The following ZNF536 variants were observed in gnomAD, a reference collection of about 807,000 sequenced individuals.
The protein encoded by ZNF536 is zinc finger protein 536.
A neutral mutation model predicts 84.5 loss-of-function variants in ZNF536; 13 were observed. That is an observed-to-expected ratio of 0.15 (90% CI 0.10 to 0.24). The LOEUF (loss-of-function observed/expected upper bound fraction) is 0.24. Among genes scored for constraint, ZNF536 ranks in the 10% least tolerant of loss-of-function variants. The pLI is 1.00. For synonymous variants in ZNF536, 811 were observed against 742.5 expected (o/e 1.09, Z -1.50); for missense variants, 1,536 against 1,747.5 (o/e 0.88, Z 2.16).
At chr19:30,449,204 A>G (rs1050098263) in intron 2 of ZNF536, among the ~76,000 whole-genome samples, 1 of 152,178 alleles carries the variant, frequency 6.6e-6, no homozygotes, top group African/African-American at 2.4e-5. Context: ...ACTTACCAGT[A>G]ATTTCACACC....
intron 1 of ZNF536, among the ~76,000 whole-genome samples, chr19:30,410,463 G>GTTTTTTTTTT (rs1165876265): frequency 2.1e-5 from 2 of 94,682 alleles, no homozygotes; most frequent in African/African-American, 1.2e-4. Context: ...AAAAGTGAAG[G>GTTTTTTTTTT]TCTTTTTTTT....
At chr19:30,598,733 C>T (rs1289267171) in intron 1 of ZNF536, among the ~76,000 whole-genome samples, 2 of 152,122 alleles carry the variant, frequency 1.3e-5, no homozygotes, top group Non-Finnish European at 2.9e-5. Context: ...CCAACAGGCT[C>T]TAATCTGAAG....
intron 1 of ZNF536, among the ~76,000 whole-genome samples, chr19:30,234,744 TACACAC>T (rs111232052): frequency 0.025 from 3,655 of 147,720 alleles, 63 homozygotes; most frequent in Non-Finnish European, 0.034. Flanking sequence ...ATTACTAAAT[TACACAC>T]ACACACACAC....
At chr19:30,676,012 T>A (rs1600230806) in intron 1 of ZNF536, among the ~76,000 whole-genome samples, 1 of 151,854 alleles carries the variant, frequency 6.6e-6, no homozygotes, top group East Asian at 1.9e-4. Context: ...CATGAGCCAC[T>A]ACATCAGGCT....
intron 2 of ZNF536, among the ~76,000 whole-genome samples, chr19:30,483,022 C>T (rs985926085): frequency 4.6e-5 from 7 of 152,162 alleles, no homozygotes; most frequent in African/African-American, 1.7e-4. Flanking sequence ...CTTTGGGGTC[C>T]AGAAGTCCTG....
intron 1 of ZNF536, among the ~76,000 whole-genome samples, chr19:30,584,612 G>T (rs1162012723): frequency 6.6e-6 from 1 of 152,208 alleles, no homozygotes; most frequent in Non-Finnish European, 1.5e-5. Context: ...TCCATGTCCA[G>T]CCTTCGGGAT....
rs1292424047 is a variant in ZNF536, at chr19:30,557,684, T to C, written c.*520T>C. 6.6e-6 allele frequency: 1 copy of C among 152,360 alleles called. No homozygotes were observed. Among genetic ancestry groups the C allele is most frequent in the Non-Finnish European group, 1.5e-5 (1 of 68,116 alleles). 9.4% of individuals were successfully genotyped at this position (152,360 alleles called of 1,614,324 possible). A position where few individuals can be genotyped will look rare whatever the true frequency, so the allele number is the denominator to read the frequency against. On this transcript the variant is annotated 3_prime_UTR_variant, in exon 5 of 5. Transcript: ENST00000355537. ...CATAGTATTTAAGCAGAAATATTGC[T>C]AGTTTAATATTGTGTCAGGTCGTCC...
intron 1 of ZNF536, among the ~76,000 whole-genome samples, chr19:30,696,509 A>T (rs1454788153): frequency 6.6e-6 from 1 of 152,238 alleles, no homozygotes; most frequent in Non-Finnish European, 1.5e-5. Context: ...AAATCCGGGC[A>T]ATGATTTAAG....
chr19:30,627,582 G>A (rs1386733339), intron 1 of ZNF536, among the ~76,000 whole-genome samples: 2 of 150,858 alleles, frequency 1.3e-5, no homozygotes, highest in Admixed American at 1.3e-4. Context: ...CCTTGGATAG[G>A]TTGCTTCACC....
At chr19:30,593,142 C>G (rs2047331647) in intron 1 of ZNF536, among the ~76,000 whole-genome samples, 2 of 152,306 alleles carry the variant, frequency 1.3e-5, no homozygotes, top group South Asian at 2.1e-4. Flanking sequence ...ATACCCACAA[C>G]TGGAGGCCTA....
chr19:30,666,446 C>A (rs1219787404), intron 1 of ZNF536, among the ~76,000 whole-genome samples: 1 of 152,130 alleles, frequency 6.6e-6, no homozygotes, highest in African/African-American at 2.4e-5. Flanking sequence ...TCCTCCCATC[C>A]TCTGCTGGGG....
intron 1 of ZNF536, among the ~76,000 whole-genome samples, chr19:30,241,796 G>A (rs1442843411): frequency 3.9e-5 from 6 of 152,282 alleles, no homozygotes; most frequent in South Asian, 4.2e-4. Flanking sequence ...AAGTATATGC[G>A]CCATTTCAAC....
intron 2 of ZNF536, among the ~76,000 whole-genome samples, chr19:30,289,380 A>G (rs1057206190): frequency 1.3e-5 from 2 of 152,224 alleles, no homozygotes; most frequent in African/African-American, 4.8e-5. Flanking sequence ...ACAACATATA[A>G]TTAAACTCAC....
intron 1 of ZNF536, among the ~76,000 whole-genome samples, chr19:30,599,033 C>CTT: frequency 8.7e-6 from 1 of 114,346 alleles, no homozygotes; most frequent in African/African-American, 3.8e-5. Flanking sequence ...CTCCCTCCCT[C>CTT]CCTTCCTTCC....
chr19:30,542,188 C>T (rs2045358700), intron 3 of ZNF536, among the ~76,000 whole-genome samples: 1 of 152,146 alleles, frequency 6.6e-6, no homozygotes, highest in Admixed American at 6.5e-5. Context: ...ATGAATCCAC[C>T]TGTTATTTTT....
chr19:30,667,361 C>G (rs975146455), intron 1 of ZNF536, among the ~76,000 whole-genome samples: 5 of 152,160 alleles, frequency 3.3e-5, no homozygotes, highest in African/African-American at 1.2e-4. Context: ...GGGTTAGTGC[C>G]TGGTTGGCCC....
chr19:30,552,933 G>A (rs777031139), intron 4 of ZNF536, among the ~76,000 whole-genome samples: 60 of 152,174 alleles, frequency 3.9e-4, no homozygotes, highest in Admixed American at 3.3e-3. Context: ...CAGAGGACAG[G>A]CATCTTTGCT....
intron 1 of ZNF536, among the ~76,000 whole-genome samples, chr19:30,695,245 A>C (rs905964189): frequency 4.2e-4 from 64 of 152,182 alleles, no homozygotes; most frequent in African/African-American, 1.4e-3. Flanking sequence ...GAAGGAAGCC[A>C]AGTGCCAGGC....
chr19:30,479,122 C>G (rs1292868373), intron 2 of ZNF536, among the ~76,000 whole-genome samples: 1 of 152,200 alleles, frequency 6.6e-6, no homozygotes, highest in Non-Finnish European at 1.5e-5. Context: ...TATAAATACA[C>G]CCTAACATCT....
Sources: gnomAD v4.1 joint callset for allele counts (sites outside exome capture counted in the v4.1 genomes callset) on GRCh38, gnomAD v4.1.1 for gene constraint, MANE v1.5 for transcripts, NCBI Gene and HGNC (gene_info 2026-07-23, HGNC 2026-07-21) for gene names.